Variants in CADPS observed in about 807,000 individuals in gnomAD.
The protein encoded by CADPS is calcium-dependent secretion activator 1.
A neutral mutation model predicts 167.3 loss-of-function variants in CADPS; 57 were observed. The ratio of observed to expected loss-of-function variants is 0.34; its 90% CI spans 0.28 to 0.42. The LOEUF (loss-of-function observed/expected upper bound fraction) is 0.42. Ranked by LOEUF, CADPS falls within the 20% of genes least tolerant of loss-of-function variation. CADPS has a pLI of 1.00. For missense variants in CADPS, 1,414 were observed against 1,738.1 expected, an observed-to-expected ratio of 0.81 and a Z score of 3.32; for synonymous variants, 676 against 635.3, an observed-to-expected ratio of 1.06 and a Z score of -0.96.
rs1339239931 is a variant in CADPS at position 62,536,300 on chromosome 3, C to G, written c.2103+145G>C. On this transcript the variant is annotated intron_variant, in intron 12 of 29. Transcript: ENST00000383710. ...TTGTTTCTTTGGTAAGTAAAACTAT[C>G]TCAACCCAGGAAATCGGGAACACAT... The G allele has an allele frequency of 1.4e-5, 10 of 706,562 alleles. No homozygotes were observed. The Admixed American group carries it at 2.9e-4, about 21-fold the overall frequency. 43.8% of individuals were successfully genotyped at this position (706,562 alleles called of 1,614,324 possible). A position where few individuals can be genotyped will look rare whatever the true frequency, so the allele number is the denominator to read the frequency against.
intron 3 of CADPS, among the ~76,000 whole-genome samples, chr3:62,703,410 G>C (rs2081771545): frequency 6.6e-6 from 1 of 152,148 alleles, no homozygotes; most frequent in African/African-American, 2.4e-5. Flanking sequence ...TTGACTTCTA[G>C]TGTAGGGAAT....
chr3:62,426,333 T>C (rs2052668150), intron 28 of CADPS, among the ~76,000 whole-genome samples: 1 of 152,120 alleles, frequency 6.6e-6, no homozygotes, highest in Admixed American at 6.5e-5. Context: ...GTATTTTTAG[T>C]AGAGATGAGG....
chr3:62,824,884 A>T (rs1364452181), intron 1 of CADPS, among the ~76,000 whole-genome samples: 2 of 152,104 alleles, frequency 1.3e-5, no homozygotes, highest in East Asian at 3.9e-4. Flanking sequence ...CCACATACAC[A>T]TGCTACAAAA....
intron 28 of CADPS, among the ~76,000 whole-genome samples, chr3:62,431,471 G>A (rs138909615): frequency 6.6e-4 from 100 of 151,252 alleles, no homozygotes; most frequent in Non-Finnish European, 1.1e-3. Context: ...AAAAAACCCC[G>A]GTTGAATTCT....
At chr3:62,685,251 A>G (rs2077794123) in intron 3 of CADPS, among the ~76,000 whole-genome samples, 1 of 151,982 alleles carries the variant, frequency 6.6e-6, no homozygotes, top group Non-Finnish European at 1.5e-5. Context: ...ATTGAGCAAA[A>G]ACAAAATTTT....
At chr3:62,787,927 T>C (rs1041468581) in intron 1 of CADPS, among the ~76,000 whole-genome samples, 1 of 152,208 alleles carries the variant, frequency 6.6e-6, no homozygotes, top group African/African-American at 2.4e-5. Flanking sequence ...GTCATCATCA[T>C]CCTCATCATG....
intron 6 of CADPS, among the ~76,000 whole-genome samples, chr3:62,636,783 G>A (rs1385946948): frequency 1.3e-5 from 2 of 152,174 alleles, no homozygotes; most frequent in Non-Finnish European, 2.9e-5. Flanking sequence ...TCTGGAAGAC[G>A]ACTCATGGAG....
chr3:62,782,985 C>T (rs534690690), intron 1 of CADPS, among the ~76,000 whole-genome samples: 1 of 152,094 alleles, frequency 6.6e-6, no homozygotes, highest in Admixed American at 6.5e-5. Context: ...GTCTCAAACT[C>T]CTGACCTCAG....
chr3:62,545,954 G>A (rs1243002043), intron 11 of CADPS, among the ~76,000 whole-genome samples: 1 of 152,058 alleles, frequency 6.6e-6, no homozygotes, highest in Admixed American at 6.6e-5. Context: ...CGATTATAGA[G>A]TTAAGTCACT....
chr3:62,692,535 T>A (rs1383759676), intron 3 of CADPS, among the ~76,000 whole-genome samples: 1 of 152,090 alleles, frequency 6.6e-6, no homozygotes. Context: ...ATGCATATAT[T>A]ATTCCAGTCT....
chr3:62,797,570 A>T (rs1427616420), intron 1 of CADPS, among the ~76,000 whole-genome samples: 1 of 152,182 alleles, frequency 6.6e-6, no homozygotes, highest in Non-Finnish European at 1.5e-5. Flanking sequence ...AGGAGCAGAA[A>T]ACCAAACACC....
chr3:62,474,418 C>T (rs2061008553), intron 23 of CADPS, 98 bp from the exon 24 acceptor site: 2 of 1,112,966 alleles, frequency 1.8e-6, no homozygotes, highest in African/African-American at 1.5e-5. Context: ...AAATTGAAGG[C>T]TGTAATCAGT....
chr3:62,575,183 A>G (rs2082037682), intron 8 of CADPS, among the ~76,000 whole-genome samples: 1 of 152,236 alleles, frequency 6.6e-6, no homozygotes, highest in South Asian at 2.1e-4. Context: ...CATGAGAATA[A>G]AAGTAGAAAA....
chr3:62,731,395 G>T (rs2077761142), intron 3 of CADPS, among the ~76,000 whole-genome samples: 2 of 152,128 alleles, frequency 1.3e-5, no homozygotes, highest in South Asian at 4.1e-4. Flanking sequence ...GTCTGGAGAA[G>T]GCAAGGTAAG....
At chr3:62,834,049 G>T (rs999316427) in intron 1 of CADPS, among the ~76,000 whole-genome samples, 1 of 152,034 alleles carries the variant, frequency 6.6e-6, no homozygotes, top group African/African-American at 2.4e-5. Flanking sequence ...TTTGTATTTT[G>T]TAAGTTCTCT....
At chr3:62,551,780 C>T (rs2077356114) in intron 10 of CADPS, among the ~76,000 whole-genome samples, 1 of 152,136 alleles carries the variant, frequency 6.6e-6, no homozygotes, top group South Asian at 2.1e-4. Flanking sequence ...TTTGCAATTG[C>T]TTTTCTCTGT....
chr3:62,475,179 C>G (rs1007944288), intron 23 of CADPS, among the ~76,000 whole-genome samples: 1 of 152,162 alleles, frequency 6.6e-6, no homozygotes, highest in Non-Finnish European at 1.5e-5. Context: ...GTGCTAACAA[C>G]TCATAGAAAA....
intron 21 of CADPS, among the ~76,000 whole-genome samples, chr3:62,489,480 T>G (rs1053116406): frequency 6.6e-6 from 1 of 152,210 alleles, no homozygotes. Flanking sequence ...TTTAAGAAAT[T>G]TAACAGATTA....
intron 1 of CADPS, among the ~76,000 whole-genome samples, chr3:62,784,049 T>C (rs1375556436): frequency 3.3e-5 from 5 of 152,212 alleles, no homozygotes; most frequent in Admixed American, 3.3e-4. Flanking sequence ...GCTGATTTCC[T>C]GTCTTAAGCA....
Sources: gnomAD v4.1 joint callset for allele counts (sites outside exome capture counted in the v4.1 genomes callset) on GRCh38, gnomAD v4.1.1 for gene constraint, MANE v1.5 for transcripts, NCBI Gene and HGNC (gene_info 2026-07-23, HGNC 2026-07-21) for gene names.